The following WDR27 variants were observed in gnomAD, a reference collection of about 807,000 sequenced individuals.
The protein encoded by WDR27 is WD repeat-containing protein 27.
Under a neutral mutation model 114.4 loss-of-function variants are expected in WDR27, and 100 were observed. The observed-to-expected ratio is 0.87, with a 90% confidence interval of 0.74 to 1.03. The LOEUF is 1.03. WDR27 is among the 50% of genes least tolerant of loss of function. WDR27 has a pLI of 0.00. For synonymous variants in WDR27, 449 were observed against 423.1 expected, an observed-to-expected ratio of 1.06 and a Z score of -0.75; for missense variants, 1,129 against 1,092.9, an observed-to-expected ratio of 1.03 and a Z score of -0.47.
chr6:169,581,567 G>A (rs1347274964), intron 24 of WDR27, among the ~76,000 whole-genome samples: 2 of 152,194 alleles, frequency 1.3e-5, no homozygotes, highest in East Asian at 3.9e-4. Context: ...GTATGTCGCA[G>A]TATTATTTAT....
At position 169,561,529 on chromosome 6, in the gene WDR27, T is replaced by G. The variant is rs79007049; in HGVS notation, c.2645+10890A>C. ...AATACCACAGCTAAAGATTTATACT[T>G]TAAATTAAAGAAACCTCAAATTAAC... On this transcript the variant is annotated intron_variant, in intron 25 of 25. Coordinates refer to ENST00000448612, the MANE Select transcript of WDR27 (RefSeq NM_182552.5). Among the ~76,000 whole-genome samples the G allele has an allele frequency of 8.8e-3, 1,341 of 152,160 alleles. 20 individuals carry two copies. The highest frequency in any genetic ancestry group is 0.031 in the African/African-American group (1,270 of 41,496).
At chr6:169,529,330 A>G (rs1482636081) in intron 25 of WDR27, among the ~76,000 whole-genome samples, 2 of 147,064 alleles carry the variant, frequency 1.4e-5, no homozygotes, top group African/African-American at 2.5e-5. Context: ...GGGGGCAGCT[A>G]ATGCTAATAA....
At chr6:169,596,991 G>A (rs1442014964) in intron 23 of WDR27, among the ~76,000 whole-genome samples, 1 of 152,026 alleles carries the variant, frequency 6.6e-6, no homozygotes, top group Non-Finnish European at 1.5e-5. Flanking sequence ...GTGCATACAG[G>A]TTTATGACAT....
At chr6:169,500,287 G>A (rs1790989619) in intron 25 of WDR27, among the ~76,000 whole-genome samples, 1 of 152,156 alleles carries the variant, frequency 6.6e-6, no homozygotes, top group African/African-American at 2.4e-5. Context: ...ATAGCAACAT[G>A]TTGACTAAAA....
intron 17 of WDR27, among the ~76,000 whole-genome samples, chr6:169,640,272 A>G (rs1392559965): frequency 6.6e-6 from 1 of 152,212 alleles, no homozygotes; most frequent in Non-Finnish European, 1.5e-5. Flanking sequence ...TTTATAGACT[A>G]GACAATGAAC....
intron 2 of WDR27, among the ~76,000 whole-genome samples, chr6:169,680,186 C>G (rs570157780): frequency 6.6e-6 from 1 of 152,072 alleles, no homozygotes; most frequent in Admixed American, 6.5e-5. Flanking sequence ...TGCTACCAGA[C>G]GGAAACATGC....
chr6:169,615,101 A>AT (rs1448513955), intron 21 of WDR27, among the ~76,000 whole-genome samples: 1 of 152,232 alleles, frequency 6.6e-6, no homozygotes, highest in African/African-American at 2.4e-5. Context: ...AGAAATAAAA[A>AT]ATGTGGAAGA....
At chr6:169,545,614 A>G (rs1003392294) in intron 25 of WDR27, among the ~76,000 whole-genome samples, 1 of 152,134 alleles carries the variant, frequency 6.6e-6, no homozygotes, top group African/African-American at 2.4e-5. Flanking sequence ...GGAGGCAGAG[A>G]CTGCAGTGAG....
chr6:169,624,492 G>A (rs576027292), intron 21 of WDR27, among the ~76,000 whole-genome samples: 17 of 152,152 alleles, frequency 1.1e-4, no homozygotes, highest in South Asian at 8.3e-4. Context: ...TTAGGGAGCC[G>A]GAGGGAGGCT....
rs545124811 is a variant in WDR27 at position 169,623,001 on chromosome 6, A to C, written c.2224-9345T>G. On this transcript the variant is annotated intron_variant, in intron 21 of 25. Coordinates refer to ENST00000448612, the MANE Select transcript of WDR27 (RefSeq NM_182552.5). ...CCTACAAATTAGCTCAAAGATTAGA[A>C]ATTATGGTTTAGGAGTAATGTAGCT... Among the ~76,000 whole-genome samples the C allele has an allele frequency of 9.2e-5, 14 of 152,294 alleles. No individual in the cohort carries two copies. In the South Asian group the frequency reaches 2.5e-3, roughly 27 times the overall value.
chr6:169,450,378 A>AACTCAGTG, the WDR27 span, among the ~76,000 whole-genome samples: 11 of 152,202 alleles, frequency 7.2e-5, no homozygotes, highest in African/African-American at 2.7e-4. Context: ...CGGAGCCTGG[A>AACTCAGTG]ACTCAGTGGC....
At chr6:169,495,967 G>A (rs1790350023) in intron 25 of WDR27, among the ~76,000 whole-genome samples, 1 of 151,798 alleles carries the variant, frequency 6.6e-6, no homozygotes, top group African/African-American at 2.4e-5. Flanking sequence ...CCAAAAGAAA[G>A]GAAAACTACA....
chr6:169,536,689 G>A (rs1398697457), intron 25 of WDR27, among the ~76,000 whole-genome samples: 1 of 152,118 alleles, frequency 6.6e-6, no homozygotes, highest in Non-Finnish European at 1.5e-5. Flanking sequence ...GCTCACAAAA[G>A]TGATCAGATG....
At position 169,582,425 on chromosome 6, in the gene WDR27, A is replaced by T. The variant is rs187228340; in HGVS notation, c.2523+411T>A. Among the ~76,000 whole-genome samples the T allele has an allele frequency of 3.1e-3, 467 of 152,254 alleles. 5 individuals carry two copies. The highest frequency in any genetic ancestry group is 0.014 in the Middle Eastern group (4 of 294). ...CTGGAAATGCTGCAGACTTTTTTCCATAAGAATTTTCAAAATCCCGTTCTT... is the reference window on the plus strand; with the variant it reads ...CTGGAAATGCTGCAGACTTTTTTCCTTAAGAATTTTCAAAATCCCGTTCTT... On this transcript the variant is annotated intron_variant, in intron 24 of 25. Transcript: ENST00000448612.
At chr6:169,551,444 A>G (rs1173583924) in intron 25 of WDR27, among the ~76,000 whole-genome samples, 5 of 152,152 alleles carry the variant, frequency 3.3e-5, no homozygotes, top group East Asian at 1.9e-4. Flanking sequence ...TTTTCTCAAC[A>G]TAACAACCTG....
intron 5 of WDR27, 186 bp from the exon 6 acceptor site, chr6:169,667,373 A>G: frequency 8.1e-7 from 1 of 1,234,712 alleles, no homozygotes; most frequent in Non-Finnish European, 1.0e-6. Context: ...AGAATCAAAA[A>G]GAAAAAAATA....
At chr6:169,459,769 C>G (rs1282442725) in intron 25 of WDR27, among the ~76,000 whole-genome samples, 1 of 152,054 alleles carries the variant, frequency 6.6e-6, no homozygotes, top group African/African-American at 2.4e-5. Context: ...ACTTTGCAGA[C>G]CACAAGGCAA....
At chr6:169,569,624 C>T (rs997239055) in intron 25 of WDR27, among the ~76,000 whole-genome samples, 6 of 152,058 alleles carry the variant, frequency 3.9e-5, no homozygotes, top group Non-Finnish European at 8.8e-5. Flanking sequence ...TAATATTTTC[C>T]TTTTTTTCTC....
chr6:169,701,223 A>G (rs925762411), intron 1 of WDR27, among the ~76,000 whole-genome samples: 3 of 152,210 alleles, frequency 2.0e-5, no homozygotes, highest in African/African-American at 7.2e-5. Context: ...TTTTTAATGT[A>G]CATACGAATA....
Sources: gnomAD v4.1 joint callset for allele counts (sites outside exome capture counted in the v4.1 genomes callset) on GRCh38, gnomAD v4.1.1 for gene constraint, MANE v1.5 for transcripts, NCBI Gene and HGNC (gene_info 2026-07-23, HGNC 2026-07-21) for gene names.